LRRC4C: variants seen among roughly 807,000 people sequenced by gnomAD.
LRRC4C encodes the protein leucine-rich repeat-containing protein 4C.
A neutral mutation model predicts 33.6 loss-of-function variants in LRRC4C; 5 were observed. The ratio of observed to expected loss-of-function variants is 0.15; its 90% CI spans 0.08 to 0.31. The LOEUF is 0.31. Among genes scored for constraint, LRRC4C ranks in the 10% least tolerant of loss-of-function variants. LRRC4C has a pLI of 1.00. For synonymous variants in LRRC4C, 329 were observed against 302.0 expected, an observed-to-expected ratio of 1.09 and a Z score of -0.93; for missense variants, 560 against 796.7, an observed-to-expected ratio of 0.70 and a Z score of 3.58.
chr11:40,370,237 A>G (rs1948393154), intron 3 of LRRC4C, among the ~76,000 whole-genome samples: 1 of 152,098 alleles, frequency 6.6e-6, no homozygotes, highest in African/African-American at 2.4e-5. Flanking sequence ...CACTAATGCC[A>G]GCCAGCTGGG....
intron 1 of LRRC4C, among the ~76,000 whole-genome samples, chr11:41,130,473 G>T (rs1590695453): frequency 5.9e-5 from 9 of 151,948 alleles, no homozygotes; most frequent in Middle Eastern, 3.4e-3. Flanking sequence ...ACAATATCTT[G>T]CAAACATCCC....
intron 5 of LRRC4C, among the ~76,000 whole-genome samples, chr11:40,202,568 T>G (rs553419464): frequency 1.5e-4 from 23 of 152,236 alleles, no homozygotes; most frequent in African/African-American, 5.5e-4. Context: ...GGTCCCAAAT[T>G]CTAAAACTCT....
chr11:40,733,911 G>T (rs1947730145), intron 2 of LRRC4C, among the ~76,000 whole-genome samples: 1 of 152,142 alleles, frequency 6.6e-6, no homozygotes, highest in Admixed American at 6.5e-5. Flanking sequence ...TTTGAGAAAA[G>T]TAAGTCAGAA....
chr11:41,309,824 A>G (rs12287827), intron 1 of LRRC4C, among the ~76,000 whole-genome samples: 24,937 of 152,172 alleles, frequency 0.16, 2,439 homozygotes, highest in East Asian at 0.44. Flanking sequence ...GCCTTTTACC[A>G]TCACCCTTAC....
chr11:40,114,378 G>T lies in LRRC4C; in HGVS notation c.1915C>A (p.Gln639Lys), dbSNP rs1332521624. The T allele has an allele frequency of 6.3e-7, 1 of 1,584,134 alleles. No homozygotes were observed. Among genetic ancestry groups the T allele is most frequent in the Non-Finnish European group, 8.6e-7 (1 of 1,164,734 alleles). The change falls in exon 7 of 7, where the codon CAA becomes AAA. Residue 639 changes from glutamine (Q) to lysine (K), a missense_variant. Gln to Lys is a moderately conservative substitution (Grantham distance 53, BLOSUM62 1). Coordinates refer to ENST00000528697, the MANE Select transcript of LRRC4C (RefSeq NM_001258419.2). ...GTAACTCTGTAAATGTTTTAGATTT[G>T]AGTCTCTTGTACATTGTCTTTAGAG... ...MNSKDNVQETQI is the reference protein window; with the variant it reads ...MNSKDNVQETKI
At chr11:41,285,997 T>A (rs1196806105) in intron 1 of LRRC4C, among the ~76,000 whole-genome samples, 1 of 151,776 alleles carries the variant, frequency 6.6e-6, no homozygotes, top group Non-Finnish European at 1.5e-5. Flanking sequence ...ACCTGGCTAA[T>A]TTTTTGTATT....
chr11:40,483,199 T>TGGGCATCATC (rs1953678620), intron 3 of LRRC4C, among the ~76,000 whole-genome samples: 1 of 152,140 alleles, frequency 6.6e-6, no homozygotes, highest in Non-Finnish European at 1.5e-5. Flanking sequence ...CGAGGAGCAC[T>TGGGCATCATC]GGGCATCATC....
chr11:40,337,560 T>A lies in LRRC4C; in HGVS notation c.-269-17839A>T, dbSNP rs1378346577. On this transcript the variant is annotated intron_variant, in intron 3 of 6. Coordinates refer to ENST00000528697, the MANE Select transcript of LRRC4C (RefSeq NM_001258419.2). The stretch of plus-strand genomic sequence containing the variant: ...CCATAAGGTCAATAATCTGCAAGCA[T>A]TGTTTTATGATACATGGACAAAAGT... Among the ~76,000 whole-genome samples, 3 of 152,288 alleles carry A rather than the reference T, an allele frequency of 2.0e-5. No individual in the cohort carries two copies. The South Asian group carries it at 6.2e-4, about 32-fold the overall frequency.
At chr11:41,057,972 C>T (rs1159238000) in intron 1 of LRRC4C, among the ~76,000 whole-genome samples, 1 of 152,208 alleles carries the variant, frequency 6.6e-6, no homozygotes, top group Non-Finnish European at 1.5e-5. Flanking sequence ...TGTTCTATCA[C>T]TCAGTAAGGC....
chr11:40,566,254 T>G (rs1392333090), intron 3 of LRRC4C, among the ~76,000 whole-genome samples: 1 of 151,906 alleles, frequency 6.6e-6, no homozygotes, highest in South Asian at 2.1e-4. Context: ...TAAGTAATCC[T>G]TCTGCATATC....
At chr11:40,368,211 A>G (rs980407405) in intron 3 of LRRC4C, among the ~76,000 whole-genome samples, 6 of 152,202 alleles carry the variant, frequency 3.9e-5, no homozygotes, top group Non-Finnish European at 1.5e-5. Context: ...AATATAGGCT[A>G]TGAGAGACTA....
At chr11:40,665,308 T>TAAAA (rs55827045) in intron 2 of LRRC4C, among the ~76,000 whole-genome samples, 5 of 43,408 alleles carry the variant, frequency 1.2e-4, no homozygotes, top group Admixed American at 3.1e-4. Flanking sequence ...ATTGCTTTCT[T>TAAAA]AAAAAAAAAA....
chr11:40,675,251 C>T (rs1022717418), intron 2 of LRRC4C, among the ~76,000 whole-genome samples: 6 of 152,018 alleles, frequency 3.9e-5, no homozygotes, highest in African/African-American at 1.4e-4. Context: ...TCTACTTAAG[C>T]ATTTCAGGAA....
intron 2 of LRRC4C, among the ~76,000 whole-genome samples, chr11:40,859,442 G>A (rs1953965304): frequency 6.6e-6 from 1 of 151,880 alleles, no homozygotes; most frequent in Non-Finnish European, 1.5e-5. Flanking sequence ...TTATTATTTT[G>A]TGAATATTTA....
At chr11:40,418,352 T>C (rs972690200) in intron 3 of LRRC4C, among the ~76,000 whole-genome samples, 3 of 151,980 alleles carry the variant, frequency 2.0e-5, no homozygotes, top group Admixed American at 6.6e-5. Context: ...AACAAACATA[T>C]GAAAAAAAGC....
chr11:40,885,946 G>A (rs1235233344), intron 2 of LRRC4C, among the ~76,000 whole-genome samples: 3 of 151,980 alleles, frequency 2.0e-5, no homozygotes, highest in Non-Finnish European at 2.9e-5. Context: ...ATGGGGCTAG[G>A]AGCAAGCAGA....
intron 4 of LRRC4C, among the ~76,000 whole-genome samples, chr11:40,253,992 A>G (rs750783226): frequency 2.6e-5 from 4 of 152,216 alleles, no homozygotes; most frequent in Non-Finnish European, 5.9e-5. Flanking sequence ...AGATTATCAA[A>G]CTATGGGATG....
At chr11:40,362,363 A>C (rs539314780) in intron 3 of LRRC4C, among the ~76,000 whole-genome samples, 9 of 152,198 alleles carry the variant, frequency 5.9e-5, no homozygotes, top group Non-Finnish European at 1.3e-4. Context: ...CAAATTATAC[A>C]TCTGAGAAAG....
intron 2 of LRRC4C, among the ~76,000 whole-genome samples, chr11:40,685,912 C>T (rs558966775): frequency 6.6e-6 from 1 of 151,856 alleles, no homozygotes; most frequent in South Asian, 2.1e-4. Flanking sequence ...AAAAATGATC[C>T]TTGACTCTAA....
Sources: gnomAD v4.1 joint callset for allele counts (sites outside exome capture counted in the v4.1 genomes callset) on GRCh38, gnomAD v4.1.1 for gene constraint, MANE v1.5 for transcripts, NCBI Gene and HGNC (gene_info 2026-07-23, HGNC 2026-07-21) for gene names.